Variants in MYOCD observed in about 807,000 individuals in gnomAD.
MYOCD encodes the protein myocardin.
In MYOCD, 32 loss-of-function variants were observed where a neutral mutation model predicts 96.1. The observed-to-expected ratio is 0.33, with a 90% CI of 0.25 to 0.45. The LOEUF (loss-of-function observed/expected upper bound fraction) is 0.45. Ranked by LOEUF, MYOCD falls within the 20% of genes least tolerant of loss-of-function variation. MYOCD has a pLI of 1.00. For missense variants in MYOCD, 1,133 were observed against 1,200.6 expected, an observed-to-expected ratio of 0.94 and a Z score of 0.83; for synonymous variants, 469 against 469.0, an observed-to-expected ratio of 1.00 and a Z score of 0.00.
In MYOCD at chr17:12,665,942, T is replaced by C; in HGVS notation, c.-247T>C. 1.9e-6 allele frequency: 1 copy of C among 536,636 alleles called. No individual in the cohort carries two copies. Among genetic ancestry groups the C allele is most frequent in the East Asian group, 3.1e-5 (1 of 32,716 alleles). The allele number at this position is 536,636 out of a possible 1,614,324, so 33.2% of individuals were successfully genotyped here. A position where few individuals can be genotyped will look rare whatever the true frequency, so the allele number is the denominator to read the frequency against. On this transcript the variant is annotated 5_prime_UTR_variant, in exon 1 of 14. Coordinates refer to ENST00000425538, the MANE Select transcript of MYOCD (RefSeq NM_001146312.3). The surrounding 1 kb of genome is among the most constrained non-coding windows in gnomAD (Gnocchi z 4.2). ...AGGAACGCCTGGGATGCCGCGCTGC[T>C]CCTGGCCAACCTCCGAGGAGGAGGA...
chr17:12,749,975 G>A (rs965647693), intron 9 of MYOCD, among the ~76,000 whole-genome samples: 1 of 151,792 alleles, frequency 6.6e-6, no homozygotes, highest in East Asian at 1.9e-4. Flanking sequence ...TCAGCCTCCC[G>A]AATAGCTGGG....
At position 12,715,574 on chromosome 17, in the gene MYOCD, G is replaced by C. The variant is rs2031614593; in HGVS notation, c.177G>C (p.Lys59Asn). ...AAAGAAAACATTTGGATAGTGACAA[G>C]GTAATTTTTGCAAATTTCTTGACCC... ...HEQRKHLDSD[K>N]AKNSLKRKAR... Residue 59 changes from lysine to asparagine, a missense_variant and splice_region_variant, in exon 3 of 14, where the codon AAG becomes AAC. Transcript: ENST00000425538. The C allele has an allele frequency of 6.2e-7, 1 of 1,612,918 alleles. No homozygotes were observed. The highest frequency in any genetic ancestry group is 1.7e-5 in the Admixed American group (1 of 59,882).
At chr17:12,712,894 T>G (rs2031523357) in intron 2 of MYOCD, among the ~76,000 whole-genome samples, 1 of 152,212 alleles carries the variant, frequency 6.6e-6, no homozygotes, top group South Asian at 2.1e-4. Flanking sequence ...GCAGCAGAAG[T>G]GGTTTTTTGT....
chr17:12,703,446 G>C (rs2031163915), intron 1 of MYOCD, among the ~76,000 whole-genome samples: 1 of 151,700 alleles, frequency 6.6e-6, no homozygotes, highest in East Asian at 1.9e-4. Flanking sequence ...CTTTAATTCT[G>C]TCCATTTTTG....
At chr17:12,734,365 G>C (rs2032272939) in intron 5 of MYOCD, among the ~76,000 whole-genome samples, 1 of 152,072 alleles carries the variant, frequency 6.6e-6, no homozygotes, top group South Asian at 2.1e-4. Context: ...GAGTGTGAAT[G>C]GCACTGGCCC....
intron 1 of MYOCD, among the ~76,000 whole-genome samples, chr17:12,671,136 G>A (rs1022766165): frequency 6.6e-6 from 1 of 151,974 alleles, no homozygotes; most frequent in African/African-American, 2.4e-5. Flanking sequence ...TTGTTTATTC[G>A]TGTTTGGTTT....
chr17:12,674,771 A>T (rs1909916261), intron 1 of MYOCD, among the ~76,000 whole-genome samples: 1 of 152,226 alleles, frequency 6.6e-6, no homozygotes, highest in Non-Finnish European at 1.5e-5. Context: ...AAGTAAATTG[A>T]GATATTTTAT....
chr17:12,677,690 C>T lies in MYOCD; in HGVS notation c.55+11447C>T, dbSNP rs142097777. Among the ~76,000 whole-genome samples the T allele has an allele frequency of 2.7e-3, 407 of 148,098 alleles. 2 individuals are homozygous for T. Among genetic ancestry groups the T allele is most frequent in the Middle Eastern group, 7.1e-3 (2 of 282 alleles). On this transcript the variant is annotated intron_variant, in intron 1 of 13. Transcript: ENST00000425538. The stretch of plus-strand genomic sequence containing the variant: ...TCACGCCACTGTACTCCAGCCTGGG[C>T]GACAGAGTGAGACTCTGTCTCAAAA...
At chr17:12,732,029 G>C (rs1447022375) in intron 5 of MYOCD, among the ~76,000 whole-genome samples, 3 of 152,206 alleles carry the variant, frequency 2.0e-5, no homozygotes, top group African/African-American at 7.2e-5. Flanking sequence ...ACAGCGACCA[G>C]TGGTCCTCAG....
At position 12,741,030 on chromosome 17, in the gene MYOCD, G is replaced by A. The variant is rs1361986053; in HGVS notation, c.717+1702G>A. Among the ~76,000 whole-genome samples the A allele has an allele frequency of 8.9e-4, 10 of 11,280 alleles. No homozygotes were observed. In the South Asian group the frequency reaches 0.051, roughly 57 times the overall value. 7.4% of individuals were successfully genotyped at this position (11,280 alleles called of 152,430 possible). A position where few individuals can be genotyped will look rare whatever the true frequency, so the allele number is the denominator to read the frequency against. ...TGGGATTACAGGCGTAAGCCACCGTGCCTGGCCTATACCCAAATAACTTCC... is the reference window on the plus strand; with the variant it reads ...TGGGATTACAGGCGTAAGCCACCGTACCTGGCCTATACCCAAATAACTTCC... On this transcript the variant is annotated intron_variant, in intron 7 of 13. Coordinates refer to ENST00000425538, the MANE Select transcript of MYOCD (RefSeq NM_001146312.3).
intron 1 of MYOCD, among the ~76,000 whole-genome samples, chr17:12,687,178 G>A (rs760389583): frequency 2.1e-4 from 32 of 151,234 alleles, no homozygotes; most frequent in Non-Finnish European, 4.0e-4. Flanking sequence ...TTTTCTTTCC[G>A]TGTAAGATTT....
intron 5 of MYOCD, among the ~76,000 whole-genome samples, chr17:12,723,212 G>A (rs2031898773): frequency 6.6e-6 from 1 of 152,190 alleles, no homozygotes; most frequent in African/African-American, 2.4e-5. Context: ...CCAAGGCCAA[G>A]TCAACACAGG....
Position 12,765,362 on chromosome 17 carries a change from C to CAA in MYOCD, c.*1722_*1723dup, listed in dbSNP as rs888465449. The CAA allele has an allele frequency of 2.7e-5, 4 of 149,374 alleles. No individual in the cohort carries two copies. The highest frequency in any genetic ancestry group is 5.9e-5 in the Non-Finnish European group (4 of 67,448). The allele number at this position is 149,374 out of a possible 1,614,324, so 9.3% of individuals were successfully genotyped here. On this transcript the variant is annotated 3_prime_UTR_variant, in exon 14 of 14. Coordinates refer to ENST00000425538, the MANE Select transcript of MYOCD (RefSeq NM_001146312.3). ...ACTGTGCACTTATAGAAAAAATAAT[C>CAA]AAAAATGTTGGGATTTTAGAAGCTC...
At chr17:12,717,526 C>T in intron 4 of MYOCD, 105 bp downstream of exon 4, 2 of 909,778 alleles carry the variant, frequency 2.2e-6, no homozygotes, top group Non-Finnish European at 3.4e-6. Flanking sequence ...TAAAAATCTC[C>T]CTTGCCGTTA....
chr17:12,679,659 A>G (rs1346244576), intron 1 of MYOCD, among the ~76,000 whole-genome samples: 3 of 152,228 alleles, frequency 2.0e-5, no homozygotes, highest in Non-Finnish European at 4.4e-5. Context: ...TATATGTGCT[A>G]CAGTAACACC....
chr17:12,738,417 G>C (rs2032405569), intron 6 of MYOCD, among the ~76,000 whole-genome samples: 1 of 152,082 alleles, frequency 6.6e-6, no homozygotes, highest in South Asian at 2.1e-4. Flanking sequence ...CTCTGGTAAA[G>C]GTTTCTTATG....
intron 6 of MYOCD, among the ~76,000 whole-genome samples, chr17:12,737,888 G>A (rs2032390583): frequency 6.6e-6 from 1 of 152,130 alleles, no homozygotes; most frequent in Non-Finnish European, 1.5e-5. Context: ...GAAAAAGGGA[G>A]GCATGGAAAG....
At chr17:12,747,721 G>A (rs1325788974) in intron 9 of MYOCD, among the ~76,000 whole-genome samples, 4 of 152,136 alleles carry the variant, frequency 2.6e-5, no homozygotes, top group Non-Finnish European at 5.9e-5. Flanking sequence ...AATCAGAAAG[G>A]TCATATAATG....
chr17:12,727,746 C>A (rs1028829012), intron 5 of MYOCD, among the ~76,000 whole-genome samples: 1 of 152,170 alleles, frequency 6.6e-6, no homozygotes, highest in Non-Finnish European at 1.5e-5. Flanking sequence ...CAGGGAAGGA[C>A]ATTTTTGACA....
Sources: allele counts gnomAD v4.1 joint callset (sites outside exome capture counted in the v4.1 genomes callset), GRCh38; gene constraint gnomAD v4.1.1; non-coding constraint Gnocchi (gnomAD v3.1); transcripts MANE v1.5; gene names NCBI Gene and HGNC (gene_info 2026-07-23, HGNC 2026-07-21).